Variants in NKAIN1 observed in about 807,000 individuals in gnomAD.
NKAIN1 encodes the protein sodium/potassium-transporting ATPase subunit beta-1-interacting protein 1.
Under a neutral mutation model 31.6 loss-of-function variants are expected in NKAIN1, and 13 were observed. That is an observed-to-expected ratio of 0.41 (90% CI 0.27 to 0.65). The LOEUF (loss-of-function observed/expected upper bound fraction) is 0.65, where lower values mean the gene tolerates loss of function less well. Among genes scored for constraint, NKAIN1 ranks in the 30% least tolerant of loss-of-function variants. The pLI, the probability that NKAIN1 is intolerant of heterozygous loss-of-function variation, is 0.30. For synonymous variants in NKAIN1, 104 were observed against 109.0 expected, an observed-to-expected ratio of 0.95 and a Z score of 0.28; for missense variants, 193 against 262.2, an observed-to-expected ratio of 0.74 and a Z score of 1.82.
Position 31,192,906 on chromosome 1 carries a change from C to T in NKAIN1, c.55-4719G>A, listed in dbSNP as rs189326234. 4.9e-3 allele frequency among the ~76,000 whole-genome samples: 740 copies of T among 151,178 alleles called. 10 individuals carry two copies. The highest frequency in any genetic ancestry group is 0.017 in the African/African-American group (690 of 41,284). On this transcript the variant is annotated intron_variant, in intron 1 of 6. Transcript: ENST00000373736. ...GTAGCCTGGGTATAGTCACTCATGC[C>T]TGTAATCCCAACACTTTGGGAGGCC...
chr1:31,220,310 C>T (rs1645553122), intron 1 of NKAIN1, among the ~76,000 whole-genome samples: 1 of 151,846 alleles, frequency 6.6e-6, no homozygotes, highest in African/African-American at 2.4e-5. Context: ...AGCCACCACA[C>T]CTGGCAACAT....
intron 1 of NKAIN1, among the ~76,000 whole-genome samples, chr1:31,221,450 T>A (rs1426050435): frequency 2.6e-5 from 4 of 152,186 alleles, no homozygotes; most frequent in Admixed American, 1.3e-4. Context: ...ATATATATAT[T>A]TTTTGAGACG....
rs138578415 is a variant in NKAIN1, at chr1:31,220,003, A to ACTT, written c.54+19490_54+19491insAAG. Reference sequence around the variant, plus strand: ...GCTAAACCTGCTTCAGAACACTCAGATTTTTTTTTTTTTTTTTTTTTGAGA... The same window carrying ACTT: ...GCTAAACCTGCTTCAGAACACTCAGACTTTTTTTTTTTTTTTTTTTTTTTGAGA... On this transcript the variant is annotated intron_variant, in intron 1 of 6. Coordinates refer to ENST00000373736, the MANE Select transcript of NKAIN1 (RefSeq NM_024522.3). Among the ~76,000 whole-genome samples the ACTT allele has an allele frequency of 6.7e-4, 86 of 127,718 alleles. 9 individuals carry two copies. Among genetic ancestry groups the ACTT allele is most frequent in the Non-Finnish European group, 9.7e-4 (61 of 63,190 alleles). The allele number at this position is 127,718 out of a possible 152,430, so 83.8% of individuals were successfully genotyped here.
chr1:31,224,931 C>T (rs1645591071), intron 1 of NKAIN1, among the ~76,000 whole-genome samples: 1 of 152,138 alleles, frequency 6.6e-6, no homozygotes, highest in African/African-American at 2.4e-5. Flanking sequence ...GAGTGGGACC[C>T]AAAGCCAGCG....
intron 1 of NKAIN1, among the ~76,000 whole-genome samples, chr1:31,209,352 G>A (rs1645449631): frequency 6.6e-6 from 1 of 152,052 alleles, no homozygotes; most frequent in Admixed American, 6.6e-5. Context: ...TCCAGCCTGG[G>A]TAACAAGAGC....
intron 1 of NKAIN1, among the ~76,000 whole-genome samples, chr1:31,219,612 G>A (rs759957861): frequency 2.6e-5 from 4 of 152,356 alleles, no homozygotes; most frequent in Non-Finnish European, 2.9e-5. Flanking sequence ...TAATGCTTCC[G>A]GTACCGCCCA....
At chr1:31,188,814 T>C (rs1170966400) in intron 1 of NKAIN1, among the ~76,000 whole-genome samples, 1 of 151,948 alleles carries the variant, frequency 6.6e-6, no homozygotes, top group Non-Finnish European at 1.5e-5. Context: ...AATGCATGCA[T>C]CCAGTCTGGG....
intron 1 of NKAIN1, among the ~76,000 whole-genome samples, chr1:31,215,311 TC>T (rs1289402838): frequency 6.6e-6 from 1 of 152,106 alleles, no homozygotes; most frequent in African/African-American, 2.4e-5. Flanking sequence ...GGCTTCGGGA[TC>T]CCCCTTACCT....
At chr1:31,204,836 G>T (rs72891354) in intron 1 of NKAIN1, among the ~76,000 whole-genome samples, 11,670 of 152,132 alleles carry the variant, frequency 0.077, 1,089 homozygotes, top group African/African-American at 0.22. Flanking sequence ...AGGGATGGAA[G>T]TGATGGGGGG....
At position 31,239,384 on chromosome 1, in the gene NKAIN1, A is replaced by C; in HGVS notation, c.54+110T>G. On this transcript the variant is annotated intron_variant, in intron 1 of 6. Transcript: ENST00000373736. The surrounding 1 kb of genome is among the most constrained non-coding windows in gnomAD (Gnocchi z 4.8). ...ACTCCAGACCACCCCCCGCCCGGGC[A>C]CACGCACCAGACACACACACAGAGA... 1.3e-6 allele frequency: 1 copy of C among 757,408 alleles called. No individual in the cohort carries two copies. The highest frequency in any genetic ancestry group is 1.9e-6 in the Non-Finnish European group (1 of 540,280). The allele number at this position is 757,408 out of a possible 1,614,324, so 46.9% of individuals were successfully genotyped here.
intron 1 of NKAIN1, among the ~76,000 whole-genome samples, chr1:31,199,595 G>A (rs1250938813): frequency 2.0e-5 from 3 of 152,128 alleles, no homozygotes; most frequent in Non-Finnish European, 4.4e-5. Context: ...CAGCAGAGGG[G>A]GCAGTGATGT....
At chr1:31,200,021 A>ACGCGCG (rs773034360) in intron 1 of NKAIN1, among the ~76,000 whole-genome samples, 1 of 89,266 alleles carries the variant, frequency 1.1e-5, no homozygotes, top group Non-Finnish European at 2.8e-5. Context: ...ATGCACACAC[A>ACGCGCG]CACGCACACA....
intron 1 of NKAIN1, among the ~76,000 whole-genome samples, chr1:31,231,760 G>A (rs1228953419): frequency 1.3e-5 from 2 of 151,864 alleles, no homozygotes; most frequent in Non-Finnish European, 2.9e-5. Context: ...TCGATCTCCT[G>A]ACCTTGTGAT....
At chr1:31,220,475 C>G (rs1397311043) in intron 1 of NKAIN1, among the ~76,000 whole-genome samples, 1 of 152,046 alleles carries the variant, frequency 6.6e-6, no homozygotes, top group East Asian at 1.9e-4. Flanking sequence ...CACCCAGTGG[C>G]CGGGCACGGT....
chr1:31,237,888 AC>A (rs1351467248), intron 1 of NKAIN1, among the ~76,000 whole-genome samples: 4 of 152,136 alleles, frequency 2.6e-5, no homozygotes, highest in African/African-American at 4.8e-5. Flanking sequence ...ATTAAAAAAA[AC>A]CCCTAGTTTA....
In NKAIN1 at chr1:31,197,593, T is replaced by C. The variant is rs147445731; in HGVS notation, c.55-9406A>G. Among the ~76,000 whole-genome samples the C allele has an allele frequency of 4.5e-3, 569 of 127,356 alleles. 35 individuals are homozygous for C. The East Asian group carries it at 0.11, about 26-fold the overall frequency. The allele number at this position is 127,356 out of a possible 152,430, so 83.6% of individuals were successfully genotyped here. A position where few individuals can be genotyped will look rare whatever the true frequency, so the allele number is the denominator to read the frequency against. On this transcript the variant is annotated intron_variant, in intron 1 of 6. Transcript: ENST00000373736. ...ATGGAGTCCAGCTTCGTCGCCCAGG[T>C]TGGAGTGCAGTGGCGCGATCTCGGC... is the stretch of plus-strand genomic sequence containing the variant.
intron 1 of NKAIN1, among the ~76,000 whole-genome samples, chr1:31,234,643 G>A (rs1645681715): frequency 6.6e-6 from 1 of 151,896 alleles, no homozygotes; most frequent in Non-Finnish European, 1.5e-5. Context: ...TGTGTCCAAG[G>A]TCACACAGAG....
chr1:31,216,457 G>C (rs192514264), intron 1 of NKAIN1, among the ~76,000 whole-genome samples: 1 of 152,304 alleles, frequency 6.6e-6, no homozygotes, highest in East Asian at 1.9e-4. Flanking sequence ...AAACATGCCA[G>C]GTACAGCCTA....
Position 31,216,007 on chromosome 1 carries a change from C to T in NKAIN1, c.54+23487G>A, listed in dbSNP as rs527651146. On this transcript the variant is annotated intron_variant, in intron 1 of 6. Transcript: ENST00000373736. Reference sequence around the variant, plus strand: ...AGATCTCAGAGCTGGAGTGGGGGCACAGCTGCAGTAAACCCAAGTGGTCTG... The same window carrying T: ...AGATCTCAGAGCTGGAGTGGGGGCATAGCTGCAGTAAACCCAAGTGGTCTG... Among the ~76,000 whole-genome samples, 75 of 152,160 alleles carry T rather than the reference C, an allele frequency of 4.9e-4. 1 individual carries two copies. Among genetic ancestry groups the T allele is most frequent in the Non-Finnish European group, 9.9e-4 (67 of 68,018 alleles).
Sources: allele counts gnomAD v4.1 joint callset (sites outside exome capture counted in the v4.1 genomes callset), GRCh38; gene constraint gnomAD v4.1.1; non-coding constraint Gnocchi (gnomAD v3.1); transcripts MANE v1.5; gene names NCBI Gene and HGNC (gene_info 2026-07-23, HGNC 2026-07-21).